Variants in LINC00237 observed in about 807,000 individuals in gnomAD.
LINC00237 encodes long intergenic non-protein coding RNA 237.
chr20:21,086,620 AC>A (rs1311447208), intron 3 of LINC00237, among the ~76,000 whole-genome samples: 21 of 116,960 alleles, frequency 1.8e-4, no homozygotes, highest in Non-Finnish European at 5.1e-5. Context: ...TATATAGTAT[AC>A]TATATATAGT....
At chr20:21,092,616 T>C (rs775202941) in intron 2 of LINC00237, among the ~76,000 whole-genome samples, 18 of 152,204 alleles carry the variant, frequency 1.2e-4, no homozygotes, top group Admixed American at 7.9e-4. Context: ...ATCCCTCAAA[T>C]TGGCACCAAA....
chr20:21,094,858 TG>T (rs972642694), intron 1 of LINC00237, among the ~76,000 whole-genome samples: 7 of 152,206 alleles, frequency 4.6e-5, no homozygotes, highest in African/African-American at 1.7e-4. Context: ...GAGACCAGCC[TG>T]GCCAATGTGG....
chr20:21,102,713 AGG>A (rs1296960426), intron 1 of LINC00237, among the ~76,000 whole-genome samples: 1 of 149,958 alleles, frequency 6.7e-6, no homozygotes, highest in East Asian at 2.0e-4. Flanking sequence ...AAAAAAAAAA[AGG>A]AGGGGGAGAG....
intron 1 of LINC00237, among the ~76,000 whole-genome samples, chr20:21,098,721 A>G (rs1411875687): frequency 2.0e-5 from 3 of 152,226 alleles, no homozygotes; most frequent in South Asian, 4.1e-4. Flanking sequence ...TGAATGGGTG[A>G]GGTGTATACA....
chr20:21,090,000 T>G (rs752715839), intron 2 of LINC00237: 3 of 152,196 alleles, frequency 2.0e-5, no homozygotes, highest in Non-Finnish European at 4.4e-5. Context: ...CTTCAGTGTG[T>G]TTTTATGTAG....
intron 1 of LINC00237, among the ~76,000 whole-genome samples, chr20:21,097,316 G>T (rs968148053): frequency 1.3e-5 from 2 of 152,028 alleles, no homozygotes; most frequent in Admixed American, 1.3e-4. Context: ...ATGCTAACCT[G>T]AATTTTTCAA....
intron 2 of LINC00237, among the ~76,000 whole-genome samples, chr20:21,090,993 T>C (rs2030784454): frequency 6.6e-6 from 1 of 152,174 alleles, no homozygotes; most frequent in African/African-American, 2.4e-5. Flanking sequence ...TTACTACTTC[T>C]TTCTAACCAC....
intron 2 of LINC00237, among the ~76,000 whole-genome samples, chr20:21,091,132 T>C (rs2030787189): frequency 6.6e-6 from 1 of 151,860 alleles, no homozygotes; most frequent in Non-Finnish European, 1.5e-5. Flanking sequence ...TTGCTTGCTA[T>C]TCATGAGGTG....
At chr20:21,102,288 G>C (rs2030942617) in intron 1 of LINC00237, among the ~76,000 whole-genome samples, 1 of 152,202 alleles carries the variant, frequency 6.6e-6, no homozygotes, top group Non-Finnish European at 1.5e-5. Flanking sequence ...AAAGATCCTG[G>C]AGCTAAAGCC....
rs2030938528 is a variant in LINC00237, at chr20:21,101,980, G to A, written n.88+4291C>T. ...CACGGACTCGATTGGACAGCCCCAG[G>A]CCGGCTTTGGATCCTTGGAGGCGGA... On this transcript the variant is annotated intron_variant and non_coding_transcript_variant, in intron 1 of 3. Transcript: ENST00000691244. This position sits in a 1 kb window ranked among gnomAD's most constrained non-coding sequence, Gnocchi z 4.3. Among the ~76,000 whole-genome samples, 1 of 152,270 alleles carries A rather than the reference G, an allele frequency of 6.6e-6. No individual in the cohort carries two copies. The highest frequency in any genetic ancestry group is 1.5e-5 in the Non-Finnish European group (1 of 68,050).
At chr20:21,091,267 T>G in intron 2 of LINC00237, among the ~76,000 whole-genome samples, 1 of 152,304 alleles carries the variant, frequency 6.6e-6, no homozygotes, top group African/African-American at 2.4e-5. Context: ...ATGCAGCTTG[T>G]TAGCAGCTCC....
rs57771489 is a variant in LINC00237, at chr20:21,091,060, C to CGTGT, written n.472+2405_472+2408dup. Among the ~76,000 whole-genome samples, 115 of 147,242 alleles carry CGTGT rather than the reference C, an allele frequency of 7.8e-4. 1 individual carries two copies. The highest frequency in any genetic ancestry group is 3.5e-3 in the Middle Eastern group (1 of 286). ...GTGTAAATGTGCGTGTGTGTGTGTG[C>CGTGT]GTGTGTGTGTGTGTGTGTGTGTGTT... On this transcript the variant is annotated intron_variant and non_coding_transcript_variant, in intron 2 of 3. Transcript: ENST00000691244.
chr20:21,103,801 C>T (rs2030963472), intron 1 of LINC00237, among the ~76,000 whole-genome samples: 1 of 152,196 alleles, frequency 6.6e-6, no homozygotes, highest in Non-Finnish European at 1.5e-5. Flanking sequence ...AATGCCACCC[C>T]ACGCGTCACT....
rs576140266 is a variant in LINC00237, at chr20:21,091,537, A to G, written n.472+1932T>C. Among the ~76,000 whole-genome samples the G allele has an allele frequency of 3.9e-4, 60 of 152,322 alleles. 1 individual carries two copies. Among genetic ancestry groups the G allele is most frequent in the African/African-American group, 1.3e-3 (56 of 41,576 alleles). ...GCAAATGTGACTTCCATTTCCCTCC[A>G]ATGGTGACTACTGACATAAATTTAA... On this transcript the variant is annotated intron_variant and non_coding_transcript_variant, in intron 2 of 3. Coordinates refer to ENST00000691244, the Ensembl canonical transcript of LINC00237.
chr20:21,095,632 GA>G (rs2030847794), intron 1 of LINC00237, among the ~76,000 whole-genome samples: 1 of 152,200 alleles, frequency 6.6e-6, no homozygotes, highest in Non-Finnish European at 1.5e-5. Context: ...GCAACTAGAA[GA>G]ATATAGATCA....
chr20:21,100,221 A>G (rs2030911843), intron 1 of LINC00237, among the ~76,000 whole-genome samples: 1 of 152,120 alleles, frequency 6.6e-6, no homozygotes, highest in African/African-American at 2.4e-5. Context: ...ATAAAACCCC[A>G]GTGCTCAGCG....
At chr20:21,089,380 T>C (rs2030760712) in intron 2 of LINC00237, among the ~76,000 whole-genome samples, 1 of 151,980 alleles carries the variant, frequency 6.6e-6, no homozygotes, top group African/African-American at 2.4e-5. Flanking sequence ...GTGAGAATCC[T>C]GTATGTCACC....
chr20:21,094,735 A>G (rs369139829), intron 1 of LINC00237, among the ~76,000 whole-genome samples: 6 of 152,066 alleles, frequency 3.9e-5, no homozygotes, highest in Admixed American at 2.6e-4. Context: ...CCTGGGCCAC[A>G]TGGCCAGATC....
At chr20:21,094,928 G>A (rs1228703079) in intron 1 of LINC00237, among the ~76,000 whole-genome samples, 1 of 152,184 alleles carries the variant, frequency 6.6e-6, no homozygotes, top group Admixed American at 6.5e-5. Context: ...GTGCGTGCCT[G>A]TAATTCCAGT....
Sources: gnomAD v4.1 joint callset for allele counts (sites outside exome capture counted in the v4.1 genomes callset) on GRCh38, gnomAD v4.1.1 for gene constraint, Gnocchi (gnomAD v3.1) non-coding constraint, MANE v1.5 for transcripts, NCBI Gene and HGNC (gene_info 2026-07-23, HGNC 2026-07-21) for gene names.